JPH1: variants seen among roughly 807,000 people sequenced by gnomAD.
The protein encoded by JPH1 is junctophilin 1, also known as junctophilin-1.
In JPH1, 12 loss-of-function variants were observed where a neutral mutation model predicts 53.6. That is an observed-to-expected ratio of 0.22 (90% CI 0.14 to 0.36). The LOEUF (loss-of-function observed/expected upper bound fraction) is 0.36. Ranked by LOEUF, JPH1 falls within the 10% of genes least tolerant of loss-of-function variation. The pLI is 1.00. For synonymous variants in JPH1, 375 were observed against 363.8 expected (o/e 1.03, Z -0.35); for missense variants, 808 against 905.5 (o/e 0.89, Z 1.38).
chr8:74,313,499 G>T (rs1351033789), intron 2 of JPH1, among the ~76,000 whole-genome samples: 1 of 151,288 alleles, frequency 6.6e-6, no homozygotes, highest in South Asian at 2.1e-4. Context: ...TAAAAGTAAT[G>T]CAAAATATGC....
At chr8:74,260,084 C>T (rs2131394501) in intron 2 of JPH1, among the ~76,000 whole-genome samples, 1 of 152,320 alleles carries the variant, frequency 6.6e-6, no homozygotes, top group East Asian at 1.9e-4. Context: ...GGGAGATGTG[C>T]ACTATTGGTG....
chr8:74,247,098 A>C (rs1199301375), intron 3 of JPH1, among the ~76,000 whole-genome samples: 1 of 151,974 alleles, frequency 6.6e-6, no homozygotes, highest in African/African-American at 2.4e-5. Flanking sequence ...GCTCTTTAAA[A>C]CTCATCAGGT....
rs531031195 is a variant in JPH1, at chr8:74,259,451, C to A, written c.1192G>T (p.Ala398Ser). 7.4e-6 allele frequency: 12 copies of A among 1,613,288 alleles called. No homozygotes were observed. The Admixed American group carries it at 1.8e-4, about 25-fold the overall frequency. Reference protein sequence around the residue: ...ADAADQAALAARQECDIARAV... With the variant: ...ADAADQAALASRQECDIARAV... ...CTCGCGATGTCGCACTCCTGGCGAG[C>A]GGCCAGCGCGGCCTGGTCGGCGGCA... The change falls in exon 3 of 6, where the codon GCT becomes TCT. Residue 398 changes from alanine to serine, a missense_variant. Ala to Ser is a moderately conservative substitution (Grantham distance 99). Around this residue, in one of 2 missense-constraint regions of JPH1, gnomAD observed 756 missense variants for 811.9 expected, o/e 0.93. Transcript: ENST00000342232.
chr8:74,291,796 A>T (rs965005590), intron 2 of JPH1, among the ~76,000 whole-genome samples: 16 of 152,194 alleles, frequency 1.1e-4, no homozygotes, highest in African/African-American at 3.9e-4. Context: ...TCAATGATAG[A>T]CTGGATTAAG....
intron 2 of JPH1, among the ~76,000 whole-genome samples, chr8:74,307,852 A>G (rs1807883944): frequency 6.6e-6 from 1 of 152,242 alleles, no homozygotes; most frequent in South Asian, 2.1e-4. Flanking sequence ...AAGAATTTCA[A>G]AGTCCTGGCC....
chr8:74,287,951 C>G (rs530785072), intron 2 of JPH1, among the ~76,000 whole-genome samples: 58 of 151,160 alleles, frequency 3.8e-4, no homozygotes, highest in African/African-American at 1.4e-3. Flanking sequence ...CTTGTTTTAG[C>G]TGACAATATT....
intron 2 of JPH1, among the ~76,000 whole-genome samples, chr8:74,299,848 A>G (rs921238406): frequency 6.6e-6 from 1 of 152,238 alleles, no homozygotes; most frequent in African/African-American, 2.4e-5. Flanking sequence ...TTTAACTGTT[A>G]CAAATATAGC....
At chr8:74,256,467 C>A in intron 3 of JPH1, among the ~76,000 whole-genome samples, 1 of 151,154 alleles carries the variant, frequency 6.6e-6, no homozygotes, top group Non-Finnish European at 1.5e-5. Context: ...GGGTGCAGCA[C>A]ACCAACATGG....
At chr8:74,290,128 A>T (rs1563412911) in intron 2 of JPH1, among the ~76,000 whole-genome samples, 6 of 152,210 alleles carry the variant, frequency 3.9e-5, no homozygotes, top group Admixed American at 2.6e-4. Context: ...TATTCAACAG[A>T]GTGTTGGAAG....
At position 74,236,909 on chromosome 8, in the gene JPH1, G is replaced by A. The variant is rs967579727; in HGVS notation, c.*142C>T. 11 of 220,440 alleles carry A rather than the reference G, an allele frequency of 5.0e-5. No homozygotes were observed. The highest frequency in any genetic ancestry group is 2.1e-4 in the African/African-American group (9 of 43,676). 13.7% of individuals were successfully genotyped at this position (220,440 alleles called of 1,614,324 possible). ...GAATTTTCCAAGTTTCATCTCTCTC[G>A]CGATCCCATCCTAATTCCAAGCCTC... On this transcript the variant is annotated 3_prime_UTR_variant, in exon 6 of 6. Transcript: ENST00000342232.
intron 4 of JPH1, among the ~76,000 whole-genome samples, chr8:74,238,908 T>C (rs951011434): frequency 8.5e-5 from 13 of 152,364 alleles, no homozygotes; most frequent in Non-Finnish European, 1.3e-4. Context: ...TCCTGCCACC[T>C]TGGCCTCCCA....
intron 2 of JPH1, among the ~76,000 whole-genome samples, chr8:74,295,907 GT>G (rs533487400): frequency 2.6e-5 from 4 of 152,180 alleles, no homozygotes; most frequent in African/African-American, 9.6e-5. Context: ...TTGCGTGTGT[GT>G]TTTACCCGAG....
chr8:74,264,560 A>T (rs1806479765), intron 2 of JPH1, among the ~76,000 whole-genome samples: 1 of 152,232 alleles, frequency 6.6e-6, no homozygotes, highest in Non-Finnish European at 1.5e-5. Context: ...AAGGGACATA[A>T]TATCCCTAAC....
chr8:74,257,104 C>T (rs926520997), intron 3 of JPH1, among the ~76,000 whole-genome samples: 1 of 152,212 alleles, frequency 6.6e-6, no homozygotes, highest in Non-Finnish European at 1.5e-5. Flanking sequence ...ATACCCGCGA[C>T]AGAAAAGGCT....
chr8:74,240,815 T>G (rs1429090953), intron 4 of JPH1, among the ~76,000 whole-genome samples: 3 of 152,206 alleles, frequency 2.0e-5, no homozygotes, highest in Admixed American at 1.3e-4. Context: ...GAAGCCAACT[T>G]CTAAAGTCCA....
intron 2 of JPH1, among the ~76,000 whole-genome samples, chr8:74,306,002 TTTTTG>T (rs371155258): frequency 7.9e-5 from 12 of 150,966 alleles, no homozygotes; most frequent in African/African-American, 2.2e-4. Context: ...GAAAGAGTTT[TTTTTG>T]TTTTGTTTTG....
At chr8:74,250,656 G>A (rs1410705344) in intron 3 of JPH1, among the ~76,000 whole-genome samples, 1 of 152,176 alleles carries the variant, frequency 6.6e-6, no homozygotes, top group Non-Finnish European at 1.5e-5. Context: ...ATTAGTGTTA[G>A]TGCATTTTAT....
intron 2 of JPH1, among the ~76,000 whole-genome samples, chr8:74,306,076 G>A (rs879484878): frequency 6.6e-6 from 1 of 152,164 alleles, no homozygotes; most frequent in Admixed American, 6.5e-5. Flanking sequence ...TTACAAGGCT[G>A]TCATAACACA....
At chr8:74,287,958 T>C (rs58171392) in intron 2 of JPH1, among the ~76,000 whole-genome samples, 1,881 of 149,730 alleles carry the variant, frequency 0.013, 37 homozygotes, top group African/African-American at 0.044. Context: ...TAGCTGACAA[T>C]ATTTTTTTTT....
Sources: allele counts gnomAD v4.1 joint callset (sites outside exome capture counted in the v4.1 genomes callset), GRCh38; gene constraint gnomAD v4.1.1; regional missense constraint gnomAD v4.1.1; transcripts MANE v1.5; gene names NCBI Gene and HGNC (gene_info 2026-07-23, HGNC 2026-07-21).